Variants in RRAGD observed in about 807,000 individuals in gnomAD.
RRAGD encodes ras-related GTP-binding protein D.
In RRAGD, 12 loss-of-function variants were observed where a neutral mutation model predicts 35.5. The ratio of observed to expected loss-of-function variants is 0.34; its 90% CI spans 0.22 to 0.55. The LOEUF is 0.55. RRAGD is among the 20% of genes least tolerant of loss of function. The probability of loss-of-function intolerance (pLI) is 0.91; values close to 1 mark genes in which losing one functional copy is unlikely to be tolerated. For synonymous variants in RRAGD, 155 were observed against 178.9 expected, an observed-to-expected ratio of 0.87 and a Z score of 1.07; for missense variants, 324 against 490.1, an observed-to-expected ratio of 0.66 and a Z score of 3.20.
intron 1 of RRAGD, among the ~76,000 whole-genome samples, chr6:89,409,749 T>C (rs1769659468): frequency 6.6e-6 from 1 of 152,122 alleles, no homozygotes; most frequent in East Asian, 1.9e-4. Context: ...GGATTCTGCA[T>C]CAAGGCCTAA....
In RRAGD at chr6:89,372,520, T is replaced by C; in HGVS notation, c.968A>G (p.Asn323Ser). The C allele has an allele frequency of 6.2e-7, 1 of 1,607,206 alleles. No individual in the cohort carries two copies. Among genetic ancestry groups the C allele is most frequent in the Non-Finnish European group, 8.5e-7 (1 of 1,177,492 alleles). Residue 323 changes from asparagine to serine, a missense_variant, in exon 6 of 7, where the codon AAT becomes AGT. This residue lies in a region of RRAGD where 152 missense variants were observed against 296.9 expected (regional missense o/e 0.51). Coordinates refer to ENST00000369415, the MANE Select transcript of RRAGD (RefSeq NM_021244.5). The stretch of plus-strand genomic sequence containing the variant: ...CTCTTTTAAATAAAGCACGGTTGTA[T>C]TATTAAGCTTTATGATGGCTGTGGA... The part of the protein sequence containing the change: ...KESTAIIKLN[N>S]TTVLYLKEVT...
intron 6 of RRAGD, among the ~76,000 whole-genome samples, chr6:89,370,760 ATAAT>A (rs2127883827): frequency 6.6e-6 from 1 of 152,322 alleles, no homozygotes; most frequent in East Asian, 1.9e-4. Flanking sequence ...CATGTCTGTA[ATAAT>A]TTAAGTGAAG....
At chr6:89,379,364 A>G in intron 3 of RRAGD, 26 bp from the exon 4 acceptor site, 1 of 1,260,746 alleles carries the variant, frequency 7.9e-7, no homozygotes, top group Non-Finnish European at 1.1e-6. Context: ...GTATTTCATC[A>G]TGTTTTCCCT....
At chr6:89,377,382 G>GCTC (rs1768966579) in intron 5 of RRAGD, among the ~76,000 whole-genome samples, 1 of 152,172 alleles carries the variant, frequency 6.6e-6, no homozygotes, top group African/African-American at 2.4e-5. Flanking sequence ...GAGAGGCTGA[G>GCTC]GTGAGAGGAT....
chr6:89,404,043 C>T (rs746599802), intron 1 of RRAGD, among the ~76,000 whole-genome samples: 6 of 152,074 alleles, frequency 3.9e-5, no homozygotes, highest in Admixed American at 6.5e-5. Context: ...TTATTACACA[C>T]GTGCTTGAAG....
intron 1 of RRAGD, among the ~76,000 whole-genome samples, chr6:89,389,163 G>A (rs1769187580): frequency 6.6e-6 from 1 of 152,112 alleles, no homozygotes; most frequent in Non-Finnish European, 1.5e-5. Flanking sequence ...CTCACAGAAA[G>A]TTCTAGAGGC....
intron 2 of RRAGD, among the ~76,000 whole-genome samples, chr6:89,381,767 G>T (rs1465097425): frequency 6.6e-6 from 1 of 152,086 alleles, no homozygotes; most frequent in Non-Finnish European, 1.5e-5. Flanking sequence ...TTTTATGGAT[G>T]ATCTATAATT....
At chr6:89,408,256 C>T (rs961484273) in intron 1 of RRAGD, among the ~76,000 whole-genome samples, 5 of 152,148 alleles carry the variant, frequency 3.3e-5, no homozygotes, top group African/African-American at 7.2e-5. Context: ...AGTAGAAAAG[C>T]CCCCTGGTAT....
At chr6:89,393,326 TG>T (rs1769272631) in intron 1 of RRAGD, among the ~76,000 whole-genome samples, 3 of 151,450 alleles carry the variant, frequency 2.0e-5, no homozygotes, top group Non-Finnish European at 1.5e-5. Flanking sequence ...AGTGTAGAAC[TG>T]GTGGAATCCC....
intron 6 of RRAGD, among the ~76,000 whole-genome samples, chr6:89,371,282 A>C (rs1370453768): frequency 6.6e-6 from 1 of 151,874 alleles, no homozygotes; most frequent in African/African-American, 2.4e-5. Context: ...TGAGCCGAGG[A>C]GTTTGAGACC....
chr6:89,401,012 G>A (rs1769449719), intron 1 of RRAGD, among the ~76,000 whole-genome samples: 1 of 152,132 alleles, frequency 6.6e-6, no homozygotes, highest in South Asian at 2.1e-4. Flanking sequence ...TCATCCCCCA[G>A]CAATCAGAGG....
intron 6 of RRAGD, among the ~76,000 whole-genome samples, chr6:89,370,039 C>T (rs7773198): frequency 0.024 from 3,724 of 152,186 alleles, 150 homozygotes; most frequent in African/African-American, 0.084. Context: ...CACAGCACTT[C>T]GGGAGGCTGA....
chr6:89,399,648 C>T (rs928730981), intron 1 of RRAGD, among the ~76,000 whole-genome samples: 5 of 151,948 alleles, frequency 3.3e-5, no homozygotes, highest in African/African-American at 4.8e-5. Flanking sequence ...GTTGTAGTGG[C>T]TCGTGCCTAT....
intron 1 of RRAGD, among the ~76,000 whole-genome samples, chr6:89,403,353 G>T (rs971200496): frequency 6.6e-6 from 1 of 152,002 alleles, no homozygotes; most frequent in Non-Finnish European, 1.5e-5. Context: ...GCTGAAGCAG[G>T]AGAATGGCGT....
Position 89,371,537 on chromosome 6 carries a change from G to A in RRAGD, c.1051+900C>T, listed in dbSNP as rs1768855079. ...AGAAAATCCCAGAAATTTAACATGG[G>A]TTTAGCTCTAGATGGTGAAATACCT... On this transcript the variant is annotated intron_variant, in intron 6 of 6. Transcript: ENST00000369415. 2.6e-5 allele frequency among the ~76,000 whole-genome samples: 4 copies of A among 152,124 alleles called. No individual in the cohort carries two copies. The South Asian group carries it at 8.3e-4, about 32-fold the overall frequency.
rs1329157014 is a variant in RRAGD, at chr6:89,365,009, T to G, written c.*3047A>C. ...TTACATCCAGTCTGTACAAGTTGAA[T>G]ACATACCATACTTTAATAACCAAGA... On this transcript the variant is annotated 3_prime_UTR_variant, in exon 7 of 7. Transcript: ENST00000369415. 1 of 152,234 alleles carries G rather than the reference T, an allele frequency of 6.6e-6. No homozygotes were observed. The highest frequency in any genetic ancestry group is 2.4e-5 in the African/African-American group (1 of 41,456). The allele number at this position is 152,234 out of a possible 1,614,324, so 9.4% of individuals were successfully genotyped here. A position where few individuals can be genotyped will look rare whatever the true frequency, so the allele number is the denominator to read the frequency against.
At chr6:89,374,849 TA>T (rs1768911700) in intron 5 of RRAGD, among the ~76,000 whole-genome samples, 1 of 152,212 alleles carries the variant, frequency 6.6e-6, no homozygotes, top group African/African-American at 2.4e-5. Flanking sequence ...CATCAAATGT[TA>T]AAGATGCTTT....
At position 89,405,736 on chromosome 6, in the gene RRAGD, T is replaced by C. The variant is rs557932781; in HGVS notation, c.148+6110A>G. 2.2e-4 allele frequency among the ~76,000 whole-genome samples: 33 copies of C among 152,334 alleles called. No individual in the cohort carries two copies. The South Asian group carries it at 6.2e-3, about 29-fold the overall frequency. ...TCTTCGCTATTAGTATTCTGTGGAATCAACAAACGCTTAAGCGTCTATGTG... is the reference window on the plus strand; with the variant it reads ...TCTTCGCTATTAGTATTCTGTGGAACCAACAAACGCTTAAGCGTCTATGTG... On this transcript the variant is annotated intron_variant, in intron 1 of 6. Coordinates refer to ENST00000369415, the MANE Select transcript of RRAGD (RefSeq NM_021244.5).
At chr6:89,370,848 A>C (rs944068747) in intron 6 of RRAGD, among the ~76,000 whole-genome samples, 1 of 152,184 alleles carries the variant, frequency 6.6e-6, no homozygotes, top group Non-Finnish European at 1.5e-5. Context: ...AGGACTGGAA[A>C]AGTATACAGG....
Sources: allele counts gnomAD v4.1 joint callset (sites outside exome capture counted in the v4.1 genomes callset), GRCh38; gene constraint gnomAD v4.1.1; regional missense constraint gnomAD v4.1.1; transcripts MANE v1.5; gene names NCBI Gene and HGNC (gene_info 2026-07-23, HGNC 2026-07-21).